The following MYO9A variants were observed in gnomAD, a reference collection of about 807,000 sequenced individuals.
The protein encoded by MYO9A is unconventional myosin-IXa.
A neutral mutation model predicts 293.3 loss-of-function variants in MYO9A; 103 were observed. That is an observed-to-expected ratio of 0.35 (90% CI 0.30 to 0.41). MYO9A has a LOEUF of 0.41. MYO9A is among the 10% of genes least tolerant of loss of function. The probability of loss-of-function intolerance (pLI) is 1.00; values close to 1 mark genes in which losing one functional copy is unlikely to be tolerated. For missense variants in MYO9A, 2,685 were observed against 3,033.0 expected (o/e 0.89, Z 2.69); for synonymous variants, 1,001 against 1,035.7 (o/e 0.97, Z 0.64).
chr15:71,877,932 T>C, intron 31 of MYO9A, 108 bp downstream of exon 31: 10 of 925,522 alleles, frequency 1.1e-5, no homozygotes, highest in Non-Finnish European at 1.6e-5. Context: ...GTAATGTTTT[T>C]CTCAAAATAA....
intron 3 of MYO9A, among the ~76,000 whole-genome samples, chr15:72,030,408 C>A (rs371471674): frequency 6.6e-6 from 1 of 152,178 alleles, no homozygotes. Flanking sequence ...CCCCCTTCCA[C>A]TTTATTCATG....
Position 71,859,735 on chromosome 15 carries a change from C to G in MYO9A, c.6153G>C (p.Lys2051Asn). 6.2e-7 allele frequency: 1 copy of G among 1,611,096 alleles called. No individual in the cohort carries two copies. The highest frequency in any genetic ancestry group is 1.1e-5 in the South Asian group (1 of 90,926). ...CLKTTAKCSKKYDPELSSRQF... is the reference protein window; with the variant it reads ...CLKTTAKCSKNYDPELSSRQF... Reference sequence around the variant, plus strand: ...TTACTGATAGGTGATAATTTCTTACCTTTTTAGAGCACTTGGCTGTGGTTT... The same window carrying G: ...TTACTGATAGGTGATAATTTCTTACGTTTTTAGAGCACTTGGCTGTGGTTT... The change falls in exon 34 of 42, where the codon AAG becomes AAC. Residue 2051 changes from lysine (K) to asparagine (N), a missense_variant and splice_region_variant. Physicochemically the swap from Lys to Asn is moderately conservative, Grantham distance 94. This residue lies in a region of MYO9A where 238 missense variants were observed against 269.1 expected (regional missense o/e 0.88). Coordinates refer to ENST00000356056, the MANE Select transcript of MYO9A (RefSeq NM_006901.4).
rs376908080 is a variant in MYO9A, at chr15:71,916,354, C to T, written c.2685+16G>A. ...GATACAGATTCTTATTTGTTTTAAG[C>T]GAAACAAGAAATAACCTGAAACTGG... On this transcript the variant is annotated intron_variant, in intron 19 of 41. Coordinates refer to ENST00000356056, the MANE Select transcript of MYO9A (RefSeq NM_006901.4). 92 of 1,603,448 alleles carry T rather than the reference C, an allele frequency of 5.7e-5. No homozygotes were observed. Among genetic ancestry groups the T allele is most frequent in the Admixed American group, 1.2e-4 (7 of 57,312 alleles).
intron 6 of MYO9A, among the ~76,000 whole-genome samples, chr15:72,015,193 A>G (rs577121123): frequency 2.4e-4 from 36 of 152,190 alleles, no homozygotes; most frequent in African/African-American, 8.7e-4. Flanking sequence ...AAAGTTGTGG[A>G]GTATGCAGAG....
chr15:71,853,539 T>C (rs553451421), intron 35 of MYO9A, among the ~76,000 whole-genome samples: 4 of 152,352 alleles, frequency 2.6e-5, no homozygotes, highest in East Asian at 3.9e-4. Context: ...TTACCAGTCA[T>C]TGTTATTATT....
intron 4 of MYO9A, among the ~76,000 whole-genome samples, chr15:72,027,410 T>G (rs770461735): frequency 6.6e-6 from 1 of 152,062 alleles, no homozygotes; most frequent in Non-Finnish European, 1.5e-5. Flanking sequence ...TTATTGAAAA[T>G]TTTTTTTCTC....
At chr15:71,830,349 G>T in intron 39 of MYO9A, 38 bp from the exon 40 acceptor site, 1 of 1,575,142 alleles carries the variant, frequency 6.3e-7, no homozygotes, top group South Asian at 1.1e-5. Flanking sequence ...TAAATTGAGT[G>T]ACTGCATCAG....
chr15:72,049,086 G>A (rs997563415), intron 1 of MYO9A, among the ~76,000 whole-genome samples: 1 of 152,142 alleles, frequency 6.6e-6, no homozygotes, highest in Non-Finnish European at 1.5e-5. Flanking sequence ...CTTAGCATGA[G>A]ATGAGTTCAT....
At chr15:72,118,181 C>T (rs1285877223), upstream of MYO9A, 8 of 362,946 alleles carry the variant, frequency 2.2e-5, no homozygotes, top group East Asian at 4.0e-5. Flanking sequence ...ACTGCCAGCA[C>T]GGGTCGGCCC....
chr15:72,062,047 G>A (rs574171004), intron 1 of MYO9A, among the ~76,000 whole-genome samples: 69 of 152,288 alleles, frequency 4.5e-4, no homozygotes, highest in Non-Finnish European at 4.3e-4. Flanking sequence ...AAGAGATTCT[G>A]CCTGGTAATA....
chr15:72,072,155 G>A (rs1409011785), intron 1 of MYO9A, among the ~76,000 whole-genome samples: 8 of 149,612 alleles, frequency 5.3e-5, no homozygotes, highest in African/African-American at 1.2e-4. Flanking sequence ...TTTTGGAGAC[G>A]GAGTCTTGCT....
intron 2 of MYO9A, among the ~76,000 whole-genome samples, chr15:72,033,349 A>C (rs756065451): frequency 1.1e-4 from 17 of 152,194 alleles, no homozygotes; most frequent in Non-Finnish European, 1.9e-4. Flanking sequence ...AATGAAATGA[A>C]ATTCCAGTAC....
intron 31 of MYO9A, 99 bp downstream of exon 31, chr15:71,877,940 TA>T: frequency 9.6e-7 from 1 of 1,044,212 alleles, no homozygotes; most frequent in African/African-American, 1.6e-5. Context: ...TTTCTCAAAA[TA>T]AAATTTTTCT....
chr15:71,910,168 G>GTGTATA (rs56277057), intron 19 of MYO9A, among the ~76,000 whole-genome samples: 1 of 128,330 alleles, frequency 7.8e-6, no homozygotes, highest in African/African-American at 2.9e-5. Flanking sequence ...ATATATACGT[G>GTGTATA]TATATATATA....
chr15:71,876,260 G>A (rs1263130581), intron 31 of MYO9A, among the ~76,000 whole-genome samples: 1 of 147,966 alleles, frequency 6.8e-6, no homozygotes, highest in African/African-American at 2.5e-5. Flanking sequence ...GAATTCTCCT[G>A]CCTCGGCCTC....
At chr15:72,108,997 A>G (rs542914529) in intron 1 of MYO9A, among the ~76,000 whole-genome samples, 101 of 152,250 alleles carry the variant, frequency 6.6e-4, no homozygotes, top group African/African-American at 2.4e-3. Context: ...TCCTGACCTC[A>G]GGTGATCCAC....
At position 71,825,034 on chromosome 15, in the gene MYO9A, TGCATGTAGTA is replaced by T. The variant is rs1453139906; in HGVS notation, c.*1536_*1545del. 6.6e-6 allele frequency: 1 copy of T among 152,234 alleles called. No individual in the cohort carries two copies. Among genetic ancestry groups the T allele is most frequent in the Non-Finnish European group, 1.5e-5 (1 of 68,040 alleles). The allele number at this position is 152,234 out of a possible 1,614,324, so 9.4% of individuals were successfully genotyped here. A position where few individuals can be genotyped will look rare whatever the true frequency, so the allele number is the denominator to read the frequency against. ...TGGTAAAGGCTCTTTTTCAGAGCAG[TGCATGTAGTA>T]GCAAGACAAGATGCATTTAGTAACT... On this transcript the variant is annotated 3_prime_UTR_variant, in exon 42 of 42. Transcript: ENST00000356056.
At chr15:72,073,641 G>A (rs1271119256) in intron 1 of MYO9A, among the ~76,000 whole-genome samples, 1 of 152,122 alleles carries the variant, frequency 6.6e-6, no homozygotes, top group Non-Finnish European at 1.5e-5. Context: ...TCCCTGGGGA[G>A]TTATAAAAAC....
At chr15:71,923,659 T>C (rs1200056583) in intron 18 of MYO9A, among the ~76,000 whole-genome samples, 1 of 152,204 alleles carries the variant, frequency 6.6e-6, no homozygotes, top group African/African-American at 2.4e-5. Flanking sequence ...TTGTTAGTAA[T>C]AGGCTCTTAT....
Sources: allele counts gnomAD v4.1 joint callset (sites outside exome capture counted in the v4.1 genomes callset), GRCh38; gene constraint gnomAD v4.1.1; regional missense constraint gnomAD v4.1.1; transcripts MANE v1.5; gene names NCBI Gene and HGNC (gene_info 2026-07-23, HGNC 2026-07-21).